Variants in PHLDB2 observed in about 807,000 individuals in gnomAD.
PHLDB2 encodes the protein pleckstrin homology like domain family B member 2.
Under a neutral mutation model 123.6 loss-of-function variants are expected in PHLDB2, and 71 were observed. That is an observed-to-expected ratio of 0.57 (90% CI 0.47 to 0.70). The LOEUF is 0.70. Among genes scored for constraint, PHLDB2 ranks in the 30% least tolerant of loss-of-function variants. PHLDB2 has a pLI of 0.00. For missense variants in PHLDB2, 1,446 were observed against 1,519.5 expected (o/e 0.95, Z 0.80); for synonymous variants, 547 against 541.6 (o/e 1.01, Z -0.14).
intron 1 of PHLDB2, among the ~76,000 whole-genome samples, chr3:111,740,624 T>C (rs2059586931): frequency 6.6e-6 from 1 of 152,152 alleles, no homozygotes; most frequent in African/African-American, 2.4e-5. Flanking sequence ...CGTAACACAA[T>C]ATATAATGCT....
chr3:111,952,430 G>A lies in PHLDB2; in HGVS notation c.2632-142G>A, dbSNP rs1361619409. The A allele has an allele frequency of 2.0e-5, 16 of 818,318 alleles. No individual in the cohort carries two copies. In the East Asian group the frequency reaches 2.5e-4, roughly 13 times the overall value. 50.7% of individuals were successfully genotyped at this position (818,318 alleles called of 1,614,324 possible). ...CAAATACTAGCTCAAATCTATCAGT[G>A]AACACAATATATGTTGAATAACTTT... On this transcript the variant is annotated intron_variant, in intron 10 of 17. Transcript: ENST00000431670.
intron 1 of PHLDB2, among the ~76,000 whole-genome samples, chr3:111,876,485 A>G (rs568170218): frequency 1.3e-5 from 2 of 152,364 alleles, no homozygotes; most frequent in East Asian, 3.9e-4. Context: ...CACATATTTT[A>G]TATGTATGAT....
intron 1 of PHLDB2, among the ~76,000 whole-genome samples, chr3:111,821,342 A>G (rs754149114): frequency 5.3e-5 from 8 of 152,204 alleles, no homozygotes; most frequent in Non-Finnish European, 1.0e-4. Flanking sequence ...AGAGAAACAC[A>G]ACCAATGGAT....
At chr3:111,861,353 T>G (rs2064828361) in intron 1 of PHLDB2, among the ~76,000 whole-genome samples, 1 of 152,244 alleles carries the variant, frequency 6.6e-6, no homozygotes. Flanking sequence ...ATGGGGAAAT[T>G]TAAACATTAC....
chr3:111,830,953 A>G (rs11916429), intron 1 of PHLDB2, among the ~76,000 whole-genome samples: 1 of 84,740 alleles, frequency 1.2e-5, no homozygotes, highest in Non-Finnish European at 2.1e-5. Context: ...GAAAGAAAGA[A>G]AGAGAAAGAA....
At chr3:111,827,299 T>C (rs139725492) in intron 1 of PHLDB2, among the ~76,000 whole-genome samples, 40 of 152,304 alleles carry the variant, frequency 2.6e-4, no homozygotes, top group Middle Eastern at 3.4e-3. Context: ...CTTTCAGAAC[T>C]GAGCTCCTAC....
At chr3:111,963,623 C>T (rs964318079) in intron 13 of PHLDB2, among the ~76,000 whole-genome samples, 10 of 152,112 alleles carry the variant, frequency 6.6e-5, no homozygotes, top group African/African-American at 2.2e-4. Flanking sequence ...AAGTGAAGGG[C>T]AAATGTACCC....
rs577612884 is a variant in PHLDB2 at position 111,791,604 on chromosome 3, T to C, written c.-48-54217T>C. On this transcript the variant is annotated intron_variant, in intron 1 of 17. Transcript: ENST00000393923. The stretch of plus-strand genomic sequence containing the variant: ...CTGTGGATCTGTTGTCAGACTTTTT[T>C]GCTTTTAATGAAATGGTTATAAAAT... Among the ~76,000 whole-genome samples, 19 of 152,356 alleles carry C rather than the reference T, an allele frequency of 1.2e-4. 1 individual carries two copies. Among genetic ancestry groups the C allele is most frequent in the Admixed American group, 7.2e-4 (11 of 15,312 alleles).
intron 1 of PHLDB2, among the ~76,000 whole-genome samples, chr3:111,766,850 T>C (rs1405190224): frequency 6.6e-6 from 1 of 151,922 alleles, no homozygotes; most frequent in Non-Finnish European, 1.5e-5. Context: ...CTGGCCAACA[T>C]AGTGAAACCC....
At chr3:111,848,934 G>C (rs2064131083) in intron 2 of PHLDB2, among the ~76,000 whole-genome samples, 1 of 152,214 alleles carries the variant, frequency 6.6e-6, no homozygotes. Flanking sequence ...GTGTGTAACA[G>C]ACTATGCCAC....
intron 16 of PHLDB2, among the ~76,000 whole-genome samples, chr3:111,970,244 ATTCT>A (rs750145151): frequency 1.1e-4 from 17 of 152,126 alleles, no homozygotes; most frequent in Admixed American, 5.2e-4. Context: ...GTTTTAATCC[ATTCT>A]TTATTTAGGT....
chr3:111,830,957 GAA>G (rs781241810), intron 1 of PHLDB2, among the ~76,000 whole-genome samples: 1,097 of 27,318 alleles, frequency 0.04, 34 homozygotes, highest in South Asian at 0.1. Context: ...GAAAGAAAGA[GAA>G]AGAAAGAAAG....
intron 1 of PHLDB2, among the ~76,000 whole-genome samples, chr3:111,788,860 C>T (rs1490690211): frequency 6.6e-6 from 1 of 152,120 alleles, no homozygotes; most frequent in Non-Finnish European, 1.5e-5. Context: ...GATTACACAC[C>T]CCTGCTTTAA....
intron 6 of PHLDB2, among the ~76,000 whole-genome samples, chr3:111,932,625 C>G (rs918718830): frequency 6.6e-6 from 1 of 151,638 alleles, no homozygotes; most frequent in Admixed American, 6.5e-5. Context: ...AATGCAAAAC[C>G]ATTTCTGGAG....
At chr3:111,894,615 A>G (rs946639031) in intron 2 of PHLDB2, among the ~76,000 whole-genome samples, 1 of 151,518 alleles carries the variant, frequency 6.6e-6, no homozygotes, top group Non-Finnish European at 1.5e-5. Context: ...AACTGGTGTG[A>G]GATGGTTTCT....
intron 13 of PHLDB2, among the ~76,000 whole-genome samples, chr3:111,964,631 G>A (rs780028475): frequency 1.3e-4 from 20 of 151,714 alleles, no homozygotes; most frequent in Non-Finnish European, 2.9e-4. Context: ...CGTGAGCCAC[G>A]TTAATTAGCT....
intron 3 of PHLDB2, chr3:111,914,993 A>G (rs1375551394): frequency 6.6e-6 from 1 of 152,084 alleles, no homozygotes; most frequent in Non-Finnish European, 1.5e-5. Context: ...AAATGATTTG[A>G]AGGAGCTTAC....
At chr3:111,752,994 C>T (rs2059810608) in intron 1 of PHLDB2, among the ~76,000 whole-genome samples, 2 of 152,104 alleles carry the variant, frequency 1.3e-5, no homozygotes, top group African/African-American at 2.4e-5. Flanking sequence ...TTTTTTTTGG[C>T]TGCATAGTAT....
At chr3:111,834,295 AC>A (rs2063294891) in intron 1 of PHLDB2, among the ~76,000 whole-genome samples, 2 of 137,044 alleles carry the variant, frequency 1.5e-5, no homozygotes, top group South Asian at 4.4e-4. Context: ...TCTATTATAT[AC>A]ATAATATATA....
Sources: allele counts gnomAD v4.1 joint callset (sites outside exome capture counted in the v4.1 genomes callset), GRCh38; gene constraint gnomAD v4.1.1; transcripts MANE v1.5; gene names NCBI Gene and HGNC (gene_info 2026-07-23, HGNC 2026-07-21).